LAMA2: variants seen among roughly 807,000 people sequenced by gnomAD.
LAMA2 encodes laminin subunit alpha-2.
In LAMA2, 269 loss-of-function variants were observed where a neutral mutation model predicts 364.8. The observed-to-expected ratio is 0.74, with a 90% CI of 0.67 to 0.82. The LOEUF is 0.82. Ranked by LOEUF, LAMA2 falls within the 40% of genes least tolerant of loss-of-function variation. The pLI is 0.00. For missense variants in LAMA2, 3,807 were observed against 3,873.2 expected, an observed-to-expected ratio of 0.98 and a Z score of 0.45; for synonymous variants, 1,379 against 1,370.6, an observed-to-expected ratio of 1.01 and a Z score of -0.14.
chr6:129,347,165 T>A (rs1776600601), intron 30 of LAMA2, among the ~76,000 whole-genome samples: 1 of 152,110 alleles, frequency 6.6e-6, no homozygotes, highest in Non-Finnish European at 1.5e-5. Flanking sequence ...GTGTTATTGA[T>A]GGAAGCACCA....
At chr6:129,038,251 A>G (rs942423901) in intron 1 of LAMA2, among the ~76,000 whole-genome samples, 4 of 152,040 alleles carry the variant, frequency 2.6e-5, no homozygotes, top group East Asian at 1.9e-4. Flanking sequence ...CTTTTTTTCT[A>G]TAGATATTTA....
chr6:129,020,371 A>T (rs1375995757), intron 1 of LAMA2, among the ~76,000 whole-genome samples: 1 of 152,184 alleles, frequency 6.6e-6, no homozygotes, highest in East Asian at 1.9e-4. Flanking sequence ...ACAGATTAAC[A>T]TGAGAAAAGG....
chr6:129,446,789 C>A (rs951722309), intron 45 of LAMA2, among the ~76,000 whole-genome samples: 1 of 152,084 alleles, frequency 6.6e-6, no homozygotes, highest in South Asian at 2.1e-4. Context: ...ACAGCATATT[C>A]TTTTTCCTCC....
At position 129,353,264 on chromosome 6, in the gene LAMA2, G is replaced by A; in HGVS notation, c.4624G>A (p.Val1542Ile). ...YGSLPVPCDP[V>I]TGFCTCRPGA... is the part of the protein sequence containing the mutation. ...CTCACTGCCTGTGCCCTGTGACCCT[G>A]TCACAGGATTCTGCACGTGCCGACC... Residue 1542 changes from valine to isoleucine, a missense_variant, in exon 32 of 65, where the codon GTC becomes ATC. Around this residue, in one of 3 missense-constraint regions of LAMA2, gnomAD observed 3,333 missense variants for 3,345.7 expected, o/e 1.00. Coordinates refer to ENST00000421865, the MANE Select transcript of LAMA2 (RefSeq NM_000426.4). 6.2e-7 allele frequency: 1 copy of A among 1,614,098 alleles called. No homozygotes were observed.
chr6:129,178,254 TAA>T (rs1316198744), intron 10 of LAMA2, among the ~76,000 whole-genome samples: 1 of 152,234 alleles, frequency 6.6e-6, no homozygotes, highest in Non-Finnish European at 1.5e-5. Flanking sequence ...TCTGAATTTT[TAA>T]ATAATCTTCT....
chr6:128,914,987 T>G (rs976608576), intron 1 of LAMA2, among the ~76,000 whole-genome samples: 1 of 152,168 alleles, frequency 6.6e-6, no homozygotes, highest in Non-Finnish European at 1.5e-5. Context: ...TTACTGATTT[T>G]AAGTAAAAGT....
intron 8 of LAMA2, chr6:129,158,870 G>T (rs1480656660): frequency 6.2e-7 from 1 of 1,612,966 alleles, no homozygotes; most frequent in Non-Finnish European, 8.5e-7. Flanking sequence ...TTCTATGATG[G>T]CAAAGCAACG....
At position 129,353,231 on chromosome 6, in the gene LAMA2, C is replaced by A. The variant is rs774807922; in HGVS notation, c.4591C>A (p.Pro1531Thr). 5.0e-6 allele frequency: 8 copies of A among 1,613,932 alleles called. No individual in the cohort carries two copies. In the South Asian group the frequency reaches 5.5e-5, roughly 11 times the overall value. ...CTCCTGCCAAGAATGTGAGTGTGAT[C>A]CCTATGGCTCACTGCCTGTGCCCTG... ...GGSCQECECD[P>T]YGSLPVPCDP... Residue 1531 changes from proline (P) to threonine (T), a missense_variant, in exon 32 of 65, where the codon CCC becomes ACC. Transcript: ENST00000421865.
At chr6:129,107,333 G>T (rs532451952) in intron 4 of LAMA2, among the ~76,000 whole-genome samples, 1 of 152,068 alleles carries the variant, frequency 6.6e-6, no homozygotes, top group East Asian at 1.9e-4. Context: ...TATTCTCAAG[G>T]TTCAGTAGCT....
At chr6:129,173,962 A>G (rs570139599) in intron 9 of LAMA2, among the ~76,000 whole-genome samples, 1 of 152,148 alleles carries the variant, frequency 6.6e-6, no homozygotes, top group East Asian at 1.9e-4. Context: ...CAGTGATAGT[A>G]TATCATTTTT....
Position 129,401,304 on chromosome 6 carries a change from C to T in LAMA2, c.5526C>T (p.Ala1842=), listed in dbSNP as rs1189843156. Residue 1842 remains alanine (A), a synonymous_variant, in exon 38 of 65, where the codon GCC becomes GCT. Transcript: ENST00000421865. ...AGGGCAATGACATACTCGATGAAGC[C>T]AACCGTCTTGCAGATGAAATCAACT... ...LKEGNDILDE[A]NRLADEINSI... 1.9e-6 allele frequency: 3 copies of T among 1,612,142 alleles called. No individual in the cohort carries two copies. Among genetic ancestry groups the T allele is most frequent in the African/African-American group, 2.7e-5 (2 of 74,962 alleles).
intron 12 of LAMA2, among the ~76,000 whole-genome samples, chr6:129,224,283 A>G (rs554670279): frequency 3.9e-5 from 6 of 152,294 alleles, no homozygotes; most frequent in Non-Finnish European, 7.3e-5. Context: ...CAATTATGTC[A>G]TCTGCAAACA....
chr6:129,250,448 A>G (rs970811966), intron 13 of LAMA2, among the ~76,000 whole-genome samples: 7 of 152,210 alleles, frequency 4.6e-5, no homozygotes, highest in African/African-American at 1.7e-4. Context: ...CTTGAAATTA[A>G]ATTTCAAACA....
chr6:129,050,751 A>G (rs531272184), intron 2 of LAMA2, among the ~76,000 whole-genome samples: 1 of 152,344 alleles, frequency 6.6e-6, no homozygotes, highest in Admixed American at 6.5e-5. Context: ...TGAAAGTGCC[A>G]AAGGGCAGAG....
rs182754399 is a variant in LAMA2 at position 129,320,426 on chromosome 6, C to G, written c.4059-112C>G. The G allele has an allele frequency of 2.8e-3, 2,189 of 769,048 alleles. 6 individuals carry two copies. The highest frequency in any genetic ancestry group is 5.7e-3 in the Middle Eastern group (24 of 4,188). The allele number at this position is 769,048 out of a possible 1,614,324, so 47.6% of individuals were successfully genotyped here. A position where few individuals can be genotyped will look rare whatever the true frequency, so the allele number is the denominator to read the frequency against. ...AATTAAAAACAAAAAGACAATAGAA[C>G]ATACTTGAGGTTGACAAAAACGTGA... On this transcript the variant is annotated intron_variant, in intron 27 of 64. Coordinates refer to ENST00000421865, the MANE Select transcript of LAMA2 (RefSeq NM_000426.4).
chr6:129,328,172 G>A (rs529515984), intron 28 of LAMA2, 106 bp from the exon 29 acceptor site: 127 of 945,400 alleles, frequency 1.3e-4, no homozygotes, highest in Middle Eastern at 4.4e-4. Flanking sequence ...TGCCCCTGCC[G>A]CAGGTGGGGG....
rs1262844508 is a variant in LAMA2 at position 129,200,337 on chromosome 6, C to T, written c.1782+7484C>T. 4.6e-3 allele frequency among the ~76,000 whole-genome samples: 542 copies of T among 117,368 alleles called. 35 individuals are homozygous for T. Among genetic ancestry groups the T allele is most frequent in the Admixed American group, 6.3e-3 (79 of 12,530 alleles). 77.0% of individuals were successfully genotyped at this position (117,368 alleles called of 152,430 possible). On this transcript the variant is annotated intron_variant, in intron 12 of 64. Coordinates refer to ENST00000421865, the MANE Select transcript of LAMA2 (RefSeq NM_000426.4). The stretch of plus-strand genomic sequence containing the variant: ...ATATACGTGTACACATATACATATA[C>T]ACGTATATGTGTACACATATACATA...
intron 62 of LAMA2, among the ~76,000 whole-genome samples, chr6:129,508,559 T>TATC (rs1786301637): frequency 6.6e-6 from 1 of 152,212 alleles, no homozygotes; most frequent in African/African-American, 2.4e-5. Flanking sequence ...ACTTTCTATC[T>TATC]ATCTCCATGA....
At chr6:129,138,245 G>A (rs867005276) in intron 4 of LAMA2, among the ~76,000 whole-genome samples, 1 of 152,056 alleles carries the variant, frequency 6.6e-6, no homozygotes, top group African/African-American at 2.4e-5. Flanking sequence ...AGCTCTGAAA[G>A]GTAAGCATAT....
Sources: gnomAD v4.1 joint callset for allele counts (sites outside exome capture counted in the v4.1 genomes callset) on GRCh38, gnomAD v4.1.1 for gene constraint, gnomAD v4.1.1 regional missense constraint, MANE v1.5 for transcripts, NCBI Gene and HGNC (gene_info 2026-07-23, HGNC 2026-07-21) for gene names.